The following CDC42BPA variants were observed in gnomAD, a reference collection of about 807,000 sequenced individuals.
CDC42BPA encodes serine/threonine-protein kinase MRCK alpha.
CDC42BPA carries 80 observed loss-of-function variants against 223.5 expected under a neutral mutation model. The observed-to-expected ratio is 0.36, with a 90% CI of 0.30 to 0.43. CDC42BPA has a LOEUF of 0.43. Among genes scored for constraint, CDC42BPA ranks in the 20% least tolerant of loss-of-function variants. CDC42BPA has a pLI of 1.00. For missense variants in CDC42BPA, 1,743 were observed against 2,099.9 expected (o/e 0.83, Z 3.32); for synonymous variants, 694 against 718.6 (o/e 0.97, Z 0.55).
chr1:227,107,947 T>G (rs1686224220), intron 14 of CDC42BPA, among the ~76,000 whole-genome samples: 1 of 152,184 alleles, frequency 6.6e-6, no homozygotes, highest in South Asian at 2.1e-4. Flanking sequence ...TACTTCTGAT[T>G]TTAGTTATTT....
At chr1:227,112,050 C>T (rs1687015272) in intron 14 of CDC42BPA, 6 of 285,350 alleles carry the variant, frequency 2.1e-5, no homozygotes, top group East Asian at 6.2e-5. Context: ...ATTACCAGTA[C>T]ATCTTGTGTA....
At chr1:227,193,741 A>G (rs11585910) in intron 5 of CDC42BPA, 45 bp downstream of exon 5, 208,812 of 1,457,746 alleles carry the variant, frequency 0.14, 16,462 homozygotes, top group South Asian at 0.23. Flanking sequence ...GTTGCTAGAT[A>G]TTACATGGTA....
intron 1 of CDC42BPA, among the ~76,000 whole-genome samples, chr1:227,297,861 T>C (rs1384777822): frequency 6.6e-6 from 1 of 150,956 alleles, no homozygotes; most frequent in Non-Finnish European, 1.5e-5. Context: ...GAAATAGTGG[T>C]GATGTTATAC....
At position 227,276,873 on chromosome 1, in the gene CDC42BPA, GCAGCATGCTCGTTAAGAGT is replaced by G. The variant is rs943267030; in HGVS notation, c.179-22737_179-22719del. Among the ~76,000 whole-genome samples, 27 of 152,038 alleles carry G rather than the reference GCAGCATGCTCGTTAAGAGT, an allele frequency of 1.8e-4. 1 individual carries two copies. The East Asian group carries it at 2.7e-3, about 15-fold the overall frequency. On this transcript the variant is annotated intron_variant, in intron 1 of 36. Coordinates refer to ENST00000366766, the MANE Select transcript of CDC42BPA (RefSeq NM_001394014.1). ...TGCTTTGTTAAACAGATGCTTGAAGGCAGCATGCTCGTTAAGAGTCATCACCACTCCCTAATCTCAAGTA... is the reference window on the plus strand; with the variant it reads ...TGCTTTGTTAAACAGATGCTTGAAGGCATCACCACTCCCTAATCTCAAGTA...
chr1:227,140,361 G>C (rs1659454197), intron 9 of CDC42BPA, among the ~76,000 whole-genome samples: 1 of 152,056 alleles, frequency 6.6e-6, no homozygotes, highest in African/African-American at 2.4e-5. Context: ...ATAAAGTATT[G>C]AAGAGGAGGA....
intron 5 of CDC42BPA, among the ~76,000 whole-genome samples, chr1:227,163,297 C>T (rs985105134): frequency 6.6e-6 from 1 of 151,948 alleles, no homozygotes; most frequent in Non-Finnish European, 1.5e-5. Context: ...ATATACATAT[C>T]AAAATTTATC....
chr1:227,188,181 A>C lies in CDC42BPA; in HGVS notation c.599+5605T>G, dbSNP rs546547728. Among the ~76,000 whole-genome samples, 5 of 152,290 alleles carry C rather than the reference A, an allele frequency of 3.3e-5. No individual in the cohort carries two copies. In the South Asian group the frequency reaches 1.0e-3, roughly 32 times the overall value. On this transcript the variant is annotated intron_variant, in intron 5 of 36. Transcript: ENST00000366766. Reference sequence around the variant, plus strand: ...TCAAAAGAATGCCAACAATGTACTCAAATATGAATTATTACTTATGCATGA... The same window carrying C: ...TCAAAAGAATGCCAACAATGTACTCCAATATGAATTATTACTTATGCATGA...
intron 29 of CDC42BPA, among the ~76,000 whole-genome samples, chr1:227,029,641 G>A (rs1036812117): frequency 4.0e-5 from 6 of 148,664 alleles, no homozygotes; most frequent in Admixed American, 1.3e-4. Context: ...GATCTAAGTT[G>A]ACATAAAGAT....
intron 34 of CDC42BPA, among the ~76,000 whole-genome samples, chr1:227,010,591 AC>A (rs1265681951): frequency 6.6e-6 from 1 of 152,214 alleles, no homozygotes; most frequent in Non-Finnish European, 1.5e-5. Context: ...AATGGGAAAA[AC>A]TTTTATTAAA....
intron 25 of CDC42BPA, 128 bp from the exon 26 acceptor site, chr1:227,034,922 T>C (rs1669955985): frequency 5.3e-6 from 4 of 756,576 alleles, no homozygotes; most frequent in Non-Finnish European, 8.0e-6. Flanking sequence ...GCCATTCTGG[T>C]TGGTAAAGTA....
chr1:227,222,909 G>A (rs751697838), intron 2 of CDC42BPA, among the ~76,000 whole-genome samples: 1 of 152,118 alleles, frequency 6.6e-6, no homozygotes, highest in Non-Finnish European at 1.5e-5. Flanking sequence ...CAATAACAAG[G>A]GCTGGACCCT....
chr1:227,079,023 A>C (rs922291451), intron 17 of CDC42BPA, among the ~76,000 whole-genome samples: 1 of 152,150 alleles, frequency 6.6e-6, no homozygotes, highest in Non-Finnish European at 1.5e-5. Context: ...TCTGTAAACT[A>C]AACTCAAAAA....
At chr1:227,247,452 G>A (rs1018531158) in intron 2 of CDC42BPA, among the ~76,000 whole-genome samples, 2 of 151,980 alleles carry the variant, frequency 1.3e-5, no homozygotes, top group African/African-American at 2.4e-5. Context: ...CTGAGATCGT[G>A]CCACTGCACT....
chr1:227,012,921 T>A (rs1665496238), intron 34 of CDC42BPA, among the ~76,000 whole-genome samples: 1 of 152,120 alleles, frequency 6.6e-6, no homozygotes, highest in South Asian at 2.1e-4. Flanking sequence ...ACAAAGTAAG[T>A]GCTCAATAAA....
intron 20 of CDC42BPA, among the ~76,000 whole-genome samples, chr1:227,071,009 T>C (rs1315463380): frequency 3.3e-5 from 5 of 151,948 alleles, no homozygotes; most frequent in Non-Finnish European, 7.4e-5. Flanking sequence ...TGTATCTTCT[T>C]TCAAATTTCC....
intron 2 of CDC42BPA, among the ~76,000 whole-genome samples, chr1:227,253,642 A>ACATT (rs1461364934): frequency 1.2e-4 from 14 of 116,040 alleles, no homozygotes; most frequent in African/African-American, 4.7e-4. Context: ...ATACATACAT[A>ACATT]CATACATTCA....
Position 227,030,336 on chromosome 1 carries a change from A to C in CDC42BPA, c.3838+72T>G, listed in dbSNP as rs1048883764. 3.3e-6 allele frequency: 3 copies of C among 907,920 alleles called. No individual in the cohort carries two copies. In the African/African-American group the frequency reaches 5.2e-5, roughly 16 times the overall value. 56.2% of individuals were successfully genotyped at this position (907,920 alleles called of 1,614,324 possible). On this transcript the variant is annotated intron_variant, in intron 29 of 36. Coordinates refer to ENST00000366766, the MANE Select transcript of CDC42BPA (RefSeq NM_001394014.1). Reference sequence around the variant, plus strand: ...AAGAGCAAATCCTGCTCTTTGTAGAATTTAGAATCTACAGTTTAAATTTTT... The same window carrying C: ...AAGAGCAAATCCTGCTCTTTGTAGACTTTAGAATCTACAGTTTAAATTTTT...
intron 30 of CDC42BPA, among the ~76,000 whole-genome samples, chr1:227,027,295 T>C (rs1346695452): frequency 6.6e-6 from 1 of 152,174 alleles, no homozygotes; most frequent in Non-Finnish European, 1.5e-5. Context: ...TCACGCAGAC[T>C]TTCTGATTTT....
At chr1:227,228,156 TA>T (rs1461337901) in intron 2 of CDC42BPA, among the ~76,000 whole-genome samples, 1 of 152,184 alleles carries the variant, frequency 6.6e-6, no homozygotes, top group Non-Finnish European at 1.5e-5. Flanking sequence ...ACCAGCAGGA[TA>T]AACAGCTAAT....
Sources: allele counts gnomAD v4.1 joint callset (sites outside exome capture counted in the v4.1 genomes callset), GRCh38; gene constraint gnomAD v4.1.1; transcripts MANE v1.5; gene names NCBI Gene and HGNC (gene_info 2026-07-23, HGNC 2026-07-21).